Variants in CFAP46 observed in about 807,000 individuals in gnomAD.
The protein encoded by CFAP46 is cilia and flagella associated protein 46, also known as cilia- and flagella-associated protein 46.
In CFAP46, 245 loss-of-function variants were observed where a neutral mutation model predicts 325.7. That is an observed-to-expected ratio of 0.75 (90% CI 0.68 to 0.84). The LOEUF (loss-of-function observed/expected upper bound fraction) is 0.84. Ranked by LOEUF, CFAP46 falls within the 40% of genes least tolerant of loss-of-function variation. CFAP46 has a pLI of 0.00. For synonymous variants in CFAP46, 1,523 were observed against 1,495.9 expected, an observed-to-expected ratio of 1.02 and a Z score of -0.42; for missense variants, 3,346 against 3,543.0, an observed-to-expected ratio of 0.94 and a Z score of 1.41.
At chr10:132,812,250 C>A (rs1565030849) in intron 55 of CFAP46, among the ~76,000 whole-genome samples, 1 of 152,262 alleles carries the variant, frequency 6.6e-6, no homozygotes, top group Non-Finnish European at 1.5e-5. Context: ...CCAGCCTGCC[C>A]TGCCATCCCC....
chr10:132,909,805 T>C, intron 20 of CFAP46, 114 bp downstream of exon 20: 1 of 1,006,238 alleles, frequency 9.9e-7, no homozygotes, highest in Admixed American at 3.6e-5. Flanking sequence ...AGGCCATCCG[T>C]GATGGCTCCA....
At chr10:132,890,067 G>A (rs922266787) in intron 25 of CFAP46, among the ~76,000 whole-genome samples, 2 of 152,100 alleles carry the variant, frequency 1.3e-5, no homozygotes, top group Non-Finnish European at 2.9e-5. Flanking sequence ...TTTTTAAAAC[G>A]ACTTATTCGA....
intron 39 of CFAP46, 69 bp downstream of exon 39, chr10:132,857,521 A>G: frequency 6.7e-7 from 1 of 1,483,044 alleles, no homozygotes; most frequent in Non-Finnish European, 9.2e-7. Context: ...CTTGTAAGGT[A>G]AGTTACAGTG....
At chr10:132,831,374 G>T (rs1370388018) in intron 50 of CFAP46, among the ~76,000 whole-genome samples, 1 of 152,128 alleles carries the variant, frequency 6.6e-6, no homozygotes, top group Non-Finnish European at 1.5e-5. Context: ...GGTACGTCTT[G>T]ATTGTTCTGT....
intron 37 of CFAP46, 55 bp from the exon 38 acceptor site, chr10:132,859,302 G>A (rs905465765): frequency 2.3e-5 from 34 of 1,460,418 alleles, no homozygotes; most frequent in Non-Finnish European, 3.1e-5. Context: ...CCGCGTCAGG[G>A]CTTGCGGCTG....
At chr10:132,846,897 G>A (rs1352918648) in intron 43 of CFAP46, 35 bp downstream of exon 43, 2 of 1,580,228 alleles carry the variant, frequency 1.3e-6, no homozygotes, top group South Asian at 2.3e-5. Flanking sequence ...CCTCCATGAA[G>A]GGCCTGGCTG....
In CFAP46 at chr10:132,823,509, CTGA is replaced by C. The variant is rs1386479086; in HGVS notation, c.7118-8598_7118-8596del. ...GCTGTGTGCTGATGTGTGCTGTGTGCTGATGTGTGCTGTGTGTGCTGTGTGCGC... is the reference window on the plus strand; with the variant it reads ...GCTGTGTGCTGATGTGTGCTGTGTGCTGTGTGCTGTGTGTGCTGTGTGCGC... On this transcript the variant is annotated intron_variant, in intron 50 of 57. Coordinates refer to ENST00000368586, the MANE Select transcript of CFAP46 (RefSeq NM_001200049.3). Among the ~76,000 whole-genome samples, 475 of 93,718 alleles carry C rather than the reference CTGA, an allele frequency of 5.1e-3. 1 individual carries two copies. The highest frequency in any genetic ancestry group is 7.8e-3 in the Non-Finnish European group (383 of 48,930). The allele number at this position is 93,718 out of a possible 152,430, so 61.5% of individuals were successfully genotyped here. A position where few individuals can be genotyped will look rare whatever the true frequency, so the allele number is the denominator to read the frequency against.
chr10:132,860,548 G>A (rs918753799), intron 36 of CFAP46, 25 bp from the exon 37 acceptor site: 60 of 1,494,568 alleles, frequency 4.0e-5, no homozygotes, highest in African/African-American at 2.5e-4. Context: ...GGGTGGATAC[G>A]GGTGTGTCTG....
In CFAP46 at chr10:132,924,223, ACCCTGATGCCTGCCGCCTGCCTGCCATG is replaced by A. The variant is rs1357649566; in HGVS notation, c.1256+445_1256+472del. 1.3e-3 allele frequency among the ~76,000 whole-genome samples: 193 copies of A among 150,346 alleles called. 1 individual carries two copies. Among genetic ancestry groups the A allele is most frequent in the African/African-American group, 4.6e-3 (188 of 40,832 alleles). On this transcript the variant is annotated intron_variant, in intron 11 of 57. Transcript: ENST00000368586. Reference sequence around the variant, plus strand: ...GCCTGCCGCCTGCCTGCCATGGTCCACCCTGATGCCTGCCGCCTGCCTGCCATGGTCCACCGTGATGCCTGCCGCCTGC... The same window carrying A: ...GCCTGCCGCCTGCCTGCCATGGTCCAGTCCACCGTGATGCCTGCCGCCTGC...
intron 17 of CFAP46, among the ~76,000 whole-genome samples, chr10:132,915,446 G>A (rs182387724): frequency 5.9e-5 from 9 of 152,396 alleles, no homozygotes; most frequent in African/African-American, 1.7e-4. Flanking sequence ...CATTGCTGCT[G>A]CCTGACCACC....
chr10:132,821,372 CTG>C (rs1418838207), intron 50 of CFAP46, among the ~76,000 whole-genome samples: 1 of 114,754 alleles, frequency 8.7e-6, no homozygotes, highest in African/African-American at 3.7e-5. Context: ...GTGCTGTGTG[CTG>C]TGTGTGCACT....
Position 132,832,393 on chromosome 10 carries a change from C to G in CFAP46, c.7117+965G>C, listed in dbSNP as rs55671404. Among the ~76,000 whole-genome samples, 10 of 139,380 alleles carry G rather than the reference C, an allele frequency of 7.2e-5. No individual in the cohort carries two copies. The highest frequency in any genetic ancestry group is 5.5e-4 in the South Asian group (2 of 3,604). 91.4% of individuals were successfully genotyped at this position (139,380 alleles called of 152,430 possible). A position where few individuals can be genotyped will look rare whatever the true frequency, so the allele number is the denominator to read the frequency against. ...GAGACCCCTGGGCTCTTCCTGCCCC[C>G]CCCCCCCAATGCTGTGGCCTGGAAA... On this transcript the variant is annotated intron_variant, in intron 50 of 57. Coordinates refer to ENST00000368586, the MANE Select transcript of CFAP46 (RefSeq NM_001200049.3). The surrounding 1 kb of genome is among the most constrained non-coding windows in gnomAD (Gnocchi z 4.1).
rs1274483499 is a variant in CFAP46 at position 132,823,199 on chromosome 10, CTG to C, written c.7118-8287_7118-8286del. Among the ~76,000 whole-genome samples the C allele has an allele frequency of 7.0e-3, 743 of 106,626 alleles. 23 individuals are homozygous for C. Among genetic ancestry groups the C allele is most frequent in the African/African-American group, 0.025 (681 of 26,902 alleles). The allele number at this position is 106,626 out of a possible 152,430, so 70.0% of individuals were successfully genotyped here. ...TCTGTGCGCTGTGTGCTGATGTGTG[CTG>C]TGTGTGTGCTGATGTGTGCTGTGTG... On this transcript the variant is annotated intron_variant, in intron 50 of 57. Transcript: ENST00000368586.
chr10:132,867,630 A>G (rs963266574), intron 33 of CFAP46, 123 bp from the exon 34 acceptor site: 2 of 1,277,030 alleles, frequency 1.6e-6, no homozygotes, highest in Admixed American at 2.8e-5. Flanking sequence ...CGTGTTTACA[A>G]AGATTTTTAA....
At chr10:132,900,714 T>C (rs1446557023) in intron 22 of CFAP46, among the ~76,000 whole-genome samples, 1 of 152,250 alleles carries the variant, frequency 6.6e-6, no homozygotes, top group African/African-American at 2.4e-5. Flanking sequence ...GAGTTCAGTT[T>C]CCTGGGTACT....
intron 44 of CFAP46, among the ~76,000 whole-genome samples, chr10:132,840,581 C>T (rs1283306000): frequency 6.6e-6 from 1 of 152,148 alleles, no homozygotes; most frequent in African/African-American, 2.4e-5. Flanking sequence ...TCCTGTAACC[C>T]GTTTGAGCTA....
Position 132,924,839 on chromosome 10 carries a change from G to A in CFAP46, c.1113C>T (p.Ala371=), listed in dbSNP as rs571453045. 23 of 1,440,040 alleles carry A rather than the reference G, an allele frequency of 1.6e-5. No individual in the cohort carries two copies. Among genetic ancestry groups the A allele is most frequent in the East Asian group, 8.5e-5 (3 of 35,402 alleles). 89.2% of individuals were successfully genotyped at this position (1,440,040 alleles called of 1,614,324 possible). ...IQRLDVALQR[A]VRLGDPRVIH... is the part of the protein sequence containing the mutation. ...TGACCCGGGGGTCGCCCAGGCGCAC[G>A]GCTCGCTGCAGCGCGACGTCTAGCC... The change falls in exon 11 of 58, where the codon GCC becomes GCT. Residue 371 remains alanine, a synonymous_variant. Coordinates refer to ENST00000368586, the MANE Select transcript of CFAP46 (RefSeq NM_001200049.3).
In CFAP46 at chr10:132,833,355, T is replaced by C. The variant is rs1282374967; in HGVS notation, c.7117+3A>G. On this transcript the variant is annotated splice_donor_region_variant and intron_variant, in intron 50 of 57. Transcript: ENST00000368586. ...CATTAAGGTGGCTGAGGGCAGTTCC[T>C]ACCTGTCTCTTCTTTATGGAGGCGA... 5 of 1,613,200 alleles carry C rather than the reference T, an allele frequency of 3.1e-6. No homozygotes were observed. Among genetic ancestry groups the C allele is most frequent in the Non-Finnish European group, 3.4e-6 (4 of 1,179,428 alleles).
intron 31 of CFAP46, among the ~76,000 whole-genome samples, chr10:132,873,158 A>G (rs912640595): frequency 1.3e-5 from 2 of 152,240 alleles, no homozygotes; most frequent in African/African-American, 4.8e-5. Context: ...GACTCATTAG[A>G]GACAGAATTT....
Sources: gnomAD v4.1 joint callset for allele counts (sites outside exome capture counted in the v4.1 genomes callset) on GRCh38, gnomAD v4.1.1 for gene constraint, Gnocchi (gnomAD v3.1) non-coding constraint, MANE v1.5 for transcripts, NCBI Gene and HGNC (gene_info 2026-07-23, HGNC 2026-07-21) for gene names.